The following CNTNAP2 variants were observed in gnomAD, a reference collection of about 807,000 sequenced individuals.
CNTNAP2 encodes the protein contactin associated protein 2.
In CNTNAP2, 98 loss-of-function variants were observed where a neutral mutation model predicts 155.2. That is an observed-to-expected ratio of 0.63 (90% CI 0.54 to 0.75). The LOEUF (loss-of-function observed/expected upper bound fraction) is 0.75. Among genes scored for constraint, CNTNAP2 ranks in the 30% least tolerant of loss-of-function variants. The pLI is 0.00. For synonymous variants in CNTNAP2, 651 were observed against 631.2 expected (o/e 1.03, Z -0.47); for missense variants, 1,727 against 1,688.1 (o/e 1.02, Z -0.40).
intron 1 of CNTNAP2, among the ~76,000 whole-genome samples, chr7:146,221,606 C>T (rs972752027): frequency 6.6e-5 from 10 of 151,836 alleles, no homozygotes; most frequent in African/African-American, 1.5e-4. Context: ...ATAAAGAGTC[C>T]GATATTTTCT....
intron 13 of CNTNAP2, among the ~76,000 whole-genome samples, chr7:147,680,671 A>G (rs932938980): frequency 6.6e-6 from 1 of 151,892 alleles, no homozygotes; most frequent in Non-Finnish European, 1.5e-5. Flanking sequence ...AATATCAGCC[A>G]TGGACTTTGC....
chr7:146,735,209 C>T (rs1229298682), intron 1 of CNTNAP2, among the ~76,000 whole-genome samples: 2 of 152,048 alleles, frequency 1.3e-5, no homozygotes, highest in African/African-American at 4.8e-5. Context: ...CTGAAAATGC[C>T]ATTCTTACCA....
chr7:146,558,438 T>C (rs1013442442), intron 1 of CNTNAP2, among the ~76,000 whole-genome samples: 9 of 152,150 alleles, frequency 5.9e-5, no homozygotes, highest in African/African-American at 1.4e-4. Context: ...TTGGGTATGA[T>C]TGACATATAA....
chr7:147,684,636 CTTAA>C (rs1795992839), intron 13 of CNTNAP2, among the ~76,000 whole-genome samples: 1 of 151,790 alleles, frequency 6.6e-6, no homozygotes, highest in Admixed American at 6.6e-5. Context: ...TCCTGAATTA[CTTAA>C]TTGTTACATA....
intron 1 of CNTNAP2, among the ~76,000 whole-genome samples, chr7:146,479,843 G>A (rs1485307260): frequency 1.3e-5 from 2 of 152,058 alleles, no homozygotes; most frequent in African/African-American, 2.4e-5. Flanking sequence ...GGAGTGCAGT[G>A]GTGCGATCTC....
At chr7:148,078,300 G>A (rs2116542288) in intron 15 of CNTNAP2, among the ~76,000 whole-genome samples, 1 of 152,152 alleles carries the variant, frequency 6.6e-6, no homozygotes, top group South Asian at 2.1e-4. Flanking sequence ...CTGGCATCAA[G>A]TGATCTGCCT....
At chr7:148,407,087 A>G (rs919901649) in intron 22 of CNTNAP2, among the ~76,000 whole-genome samples, 8 of 152,260 alleles carry the variant, frequency 5.3e-5, no homozygotes, top group Non-Finnish European at 1.0e-4. Flanking sequence ...GAATAAGTAA[A>G]TGAATAAATT....
chr7:146,809,854 A>G (rs1486958360), intron 2 of CNTNAP2, among the ~76,000 whole-genome samples: 1 of 152,078 alleles, frequency 6.6e-6, no homozygotes, highest in Non-Finnish European at 1.5e-5. Flanking sequence ...TTAGTTTGAT[A>G]CAGTCCCACT....
At chr7:147,889,795 C>G (rs1248386544) in intron 13 of CNTNAP2, among the ~76,000 whole-genome samples, 1 of 152,118 alleles carries the variant, frequency 6.6e-6, no homozygotes, top group Non-Finnish European at 1.5e-5. Flanking sequence ...CTGCGTGTGG[C>G]TATTGGTTAC....
chr7:148,229,417 C>T (rs1477852702), intron 19 of CNTNAP2, among the ~76,000 whole-genome samples: 1 of 151,998 alleles, frequency 6.6e-6, no homozygotes, highest in Non-Finnish European at 1.5e-5. Context: ...GCCAGCTACT[C>T]AGGAAGCTGA....
At chr7:147,757,549 C>A (rs1797229719) in intron 13 of CNTNAP2, among the ~76,000 whole-genome samples, 1 of 152,068 alleles carries the variant, frequency 6.6e-6, no homozygotes, top group African/African-American at 2.4e-5. Flanking sequence ...CACCTCCTTC[C>A]ATGTAAATAA....
chr7:147,064,745 G>T (rs545254854), intron 4 of CNTNAP2, among the ~76,000 whole-genome samples: 40 of 152,114 alleles, frequency 2.6e-4, no homozygotes, highest in Non-Finnish European at 5.0e-4. Context: ...TGTAGGGAAT[G>T]GAAAATCATT....
At chr7:147,964,939 C>G (rs898977558) in intron 14 of CNTNAP2, among the ~76,000 whole-genome samples, 1 of 152,172 alleles carries the variant, frequency 6.6e-6, no homozygotes, top group Non-Finnish European at 1.5e-5. Flanking sequence ...TGGAGTTAAC[C>G]ACAAAGCTCT....
At chr7:148,169,508 A>G (rs1805734663) in intron 17 of CNTNAP2, among the ~76,000 whole-genome samples, 1 of 152,258 alleles carries the variant, frequency 6.6e-6, no homozygotes, top group South Asian at 2.1e-4. Context: ...AAAGGTTTTC[A>G]TAAAGATTAT....
chr7:147,830,761 C>T (rs1041277952), intron 13 of CNTNAP2, among the ~76,000 whole-genome samples: 5 of 152,294 alleles, frequency 3.3e-5, no homozygotes, highest in East Asian at 1.9e-4. Flanking sequence ...TACTTCATTC[C>T]ATACAGCATT....
At position 148,409,141 on chromosome 7, in the gene CNTNAP2, G is replaced by A. The variant is rs181751517; in HGVS notation, c.3716-250G>A. 1.4e-4 allele frequency among the ~76,000 whole-genome samples: 22 copies of A among 152,314 alleles called. 1 individual carries two copies. Among genetic ancestry groups the A allele is most frequent in the Admixed American group, 1.0e-3 (16 of 15,300 alleles). On this transcript the variant is annotated intron_variant, in intron 22 of 23. Transcript: ENST00000361727. ...GAGCAGGCCAGCTCAGGTAGCTCTA[G>A]GATTCTCTAATATTGCTCCAAGTGG...
chr7:147,092,049 A>G (rs949927514), intron 4 of CNTNAP2, among the ~76,000 whole-genome samples: 5 of 152,154 alleles, frequency 3.3e-5, no homozygotes, highest in African/African-American at 1.2e-4. Flanking sequence ...AACCATTGTC[A>G]TTTTAAGGAC....
intron 1 of CNTNAP2, among the ~76,000 whole-genome samples, chr7:146,165,127 T>C (rs974774206): frequency 1.3e-5 from 2 of 152,130 alleles, no homozygotes; most frequent in African/African-American, 2.4e-5. Context: ...TACTGTGATT[T>C]GGGTAAACTT....
intron 1 of CNTNAP2, among the ~76,000 whole-genome samples, chr7:146,151,594 A>G (rs1798038602): frequency 7.2e-6 from 1 of 139,546 alleles, no homozygotes; most frequent in South Asian, 2.4e-4. Context: ...TATCGAATGC[A>G]ATGTAAGTGT....
Sources: allele counts gnomAD v4.1 joint callset (sites outside exome capture counted in the v4.1 genomes callset), GRCh38; gene constraint gnomAD v4.1.1; transcripts MANE v1.5; gene names NCBI Gene and HGNC (gene_info 2026-07-23, HGNC 2026-07-21).